PPP2R1B: variants seen among roughly 807,000 people sequenced by gnomAD.
The protein encoded by PPP2R1B is protein phosphatase 2 scaffold subunit Abeta.
PPP2R1B carries 58 observed loss-of-function variants against 72.7 expected under a neutral mutation model. The ratio of observed to expected loss-of-function variants is 0.80; its 90% CI spans 0.65 to 0.99. The LOEUF (loss-of-function observed/expected upper bound fraction) is 0.99, where lower values mean the gene tolerates loss of function less well. Ranked by LOEUF, PPP2R1B falls within the 50% of genes least tolerant of loss-of-function variation. The probability of loss-of-function intolerance (pLI) is 0.00; values close to 1 mark genes in which losing one functional copy is unlikely to be tolerated. For synonymous variants in PPP2R1B, 256 were observed against 264.6 expected (o/e 0.97, Z 0.32); for missense variants, 695 against 733.6 (o/e 0.95, Z 0.61).
intron 11 of PPP2R1B, among the ~76,000 whole-genome samples, chr11:111,745,873 A>G (rs1565444685): frequency 6.6e-6 from 1 of 152,234 alleles, no homozygotes; most frequent in Non-Finnish European, 1.5e-5. Flanking sequence ...TCCAGTGATC[A>G]TTATATAACA....
At chr11:111,761,317 T>C (rs1555051403) in intron 3 of PPP2R1B, 2 of 568,904 alleles carry the variant, frequency 3.5e-6, no homozygotes, top group East Asian at 3.7e-5. Context: ...TGTAAAAGAC[T>C]TGACACAATA....
In PPP2R1B at chr11:111,741,558, C is replaced by A. The variant is rs376806306; in HGVS notation, c.*38G>T. On this transcript the variant is annotated 3_prime_UTR_variant, in exon 15 of 15. Coordinates refer to ENST00000527614, the MANE Select transcript of PPP2R1B (RefSeq NM_002716.5). ...GAACACATTGACTAGAAATTTGTGA[C>A]AAGAATCTAGTAAAGGCCTTTTCCC... The A allele has an allele frequency of 6.2e-7, 1 of 1,606,952 alleles. No homozygotes were observed. The highest frequency in any genetic ancestry group is 1.3e-5 in the African/African-American group (1 of 74,616).
chr11:111,728,147 T>A (rs2135993844), intron 15 of PPP2R1B: 1 of 152,238 alleles, frequency 6.6e-6, no homozygotes, highest in East Asian at 1.9e-4. Context: ...TGCCTCTAAC[T>A]GCCTCCTGGG....
At chr11:111,694,579 A>C in the PPP2R1B span, among the ~76,000 whole-genome samples, 5 of 152,192 alleles carry the variant, frequency 3.3e-5, no homozygotes, top group African/African-American at 1.2e-4. Context: ...AGGCAAAGAT[A>C]GGAAAAATAT....
chr11:111,741,606 G>A lies in PPP2R1B; in HGVS notation c.1796C>T (p.Ala599Val), dbSNP rs141379374. 1.1e-5 allele frequency: 17 copies of A among 1,613,018 alleles called. No individual in the cohort carries two copies. In the African/African-American group the frequency reaches 2.1e-4, roughly 20 times the overall value. The change falls in exon 15 of 15, where the codon GCA (alanine) becomes GTA (valine). Residue 599 changes from alanine to valine, a missense_variant. Physicochemically the swap from Ala to Val is moderately conservative, Grantham distance 64. Transcript: ENST00000527614. ...CCCTCCTGCTCCTCATTATGCCAATGCAAGAACTGGAAAATTCCAAACAAA... is the reference window on the plus strand; with the variant it reads ...CCCTCCTGCTCCTCATTATGCCAATACAAGAACTGGAAAATTCCAAACAAA... ...YFAQEAISVL[A>V]LA
chr11:111,756,230 A>AC (rs1215853008), intron 5 of PPP2R1B, among the ~76,000 whole-genome samples: 1 of 151,072 alleles, frequency 6.6e-6, no homozygotes, highest in Non-Finnish European at 1.5e-5. Context: ...AAGGAAAAAA[A>AC]AAAAAAGAAA....
intron 3 of PPP2R1B, among the ~76,000 whole-genome samples, chr11:111,763,352 A>T (rs1945397022): frequency 6.6e-6 from 1 of 152,234 alleles, no homozygotes; most frequent in Non-Finnish European, 1.5e-5. Context: ...ACCACTGGGC[A>T]TATGATAATC....
intron 11 of PPP2R1B, among the ~76,000 whole-genome samples, chr11:111,747,414 C>T (rs1944741309): frequency 6.6e-6 from 1 of 152,216 alleles, no homozygotes; most frequent in South Asian, 2.1e-4. Context: ...AGTGAGAGTA[C>T]AAGCAGTAAG....
chr11:111,707,595 C>T, the PPP2R1B span, among the ~76,000 whole-genome samples: 1 of 152,152 alleles, frequency 6.6e-6, no homozygotes, highest in African/African-American at 2.4e-5. Flanking sequence ...GCCCCCTCCT[C>T]TCAGAGATTT....
chr11:111,712,232 G>C, the PPP2R1B span: 1 of 1,614,220 alleles, frequency 6.2e-7, no homozygotes, highest in South Asian at 1.1e-5. Context: ...GGGGCTCCCA[G>C]TGACCATGCA....
chr11:111,703,523 G>A, the PPP2R1B span: 9 of 1,006,448 alleles, frequency 8.9e-6, no homozygotes, highest in African/African-American at 3.2e-5. Context: ...TATCTCCAGC[G>A]CCTAGGCGTA....
At chr11:111,754,705 T>C in intron 7 of PPP2R1B, 136 bp from the exon 8 acceptor site, 2 of 1,413,788 alleles carry the variant, frequency 1.4e-6, no homozygotes, top group Non-Finnish European at 1.9e-6. Context: ...GCTCTTGTTC[T>C]AAATAAACTT....
At chr11:111,747,923 G>T in intron 11 of PPP2R1B, 31 bp downstream of exon 11, 6 of 1,567,842 alleles carry the variant, frequency 3.8e-6, no homozygotes, top group Non-Finnish European at 5.3e-6. Flanking sequence ...TGGATATATG[G>T]GCTTTCAATA....
chr11:111,743,662 G>T, intron 11 of PPP2R1B, 132 bp from the exon 12 acceptor site: 1 of 1,114,502 alleles, frequency 9.0e-7, no homozygotes, highest in South Asian at 1.6e-5. Context: ...ATGTAATCAT[G>T]CTGCAATGAC....
chr11:111,705,269 C>T, the PPP2R1B span: 1 of 915,326 alleles, frequency 1.1e-6, no homozygotes, highest in Non-Finnish European at 1.5e-6. The surrounding 1 kb of genome is among the most constrained non-coding windows in gnomAD (Gnocchi z 4.3). Flanking sequence ...TTTCTGCCTG[C>T]CATTCACTAG....
At chr11:111,695,040 T>C in the PPP2R1B span, among the ~76,000 whole-genome samples, 1 of 152,216 alleles carries the variant, frequency 6.6e-6, no homozygotes, top group Non-Finnish European at 1.5e-5. Flanking sequence ...CAACAAAGTA[T>C]GCATTGACGT....
the PPP2R1B span, among the ~76,000 whole-genome samples, chr11:111,688,877 C>A: frequency 6.6e-6 from 1 of 152,170 alleles, no homozygotes; most frequent in Non-Finnish European, 1.5e-5. The surrounding 1 kb of genome is among the most constrained non-coding windows in gnomAD (Gnocchi z 4.2). Context: ...TGAATATACA[C>A]AATTTTTGTC....
chr11:111,701,459 G>A, the PPP2R1B span: 1 of 1,613,668 alleles, frequency 6.2e-7, no homozygotes, highest in Non-Finnish European at 8.5e-7. The surrounding 1 kb of genome is among the most constrained non-coding windows in gnomAD (Gnocchi z 4.2). Context: ...TAGAGTATGG[G>A]AGTTGTTCTT....
intron 3 of PPP2R1B, among the ~76,000 whole-genome samples, chr11:111,763,829 T>C (rs892805047): frequency 2.5e-4 from 37 of 150,222 alleles, no homozygotes; most frequent in African/African-American, 9.0e-4. Context: ...TAGGCCTATA[T>C]ACATAGACAG....
Sources: gnomAD v4.1 joint callset for allele counts (sites outside exome capture counted in the v4.1 genomes callset) on GRCh38, gnomAD v4.1.1 for gene constraint, Gnocchi (gnomAD v3.1) non-coding constraint, MANE v1.5 for transcripts, NCBI Gene and HGNC (gene_info 2026-07-23, HGNC 2026-07-21) for gene names.